The following TRIO variants were observed in gnomAD, a reference collection of about 807,000 sequenced individuals.
TRIO encodes trio Rho guanine nucleotide exchange factor, also known as triple functional domain protein.
In TRIO, 58 loss-of-function variants were observed where a neutral mutation model predicts 351.9. That is an observed-to-expected ratio of 0.16 (90% CI 0.13 to 0.21). The LOEUF (loss-of-function observed/expected upper bound fraction) is 0.21, where lower values mean the gene tolerates loss of function less well. Among genes scored for constraint, TRIO ranks in the 10% least tolerant of loss-of-function variants. The probability of loss-of-function intolerance (pLI) is 1.00; values close to 1 mark genes in which losing one functional copy is unlikely to be tolerated. For synonymous variants in TRIO, 1,758 were observed against 1,595.7 expected (o/e 1.10, Z -2.42); for missense variants, 3,201 against 4,027.8 (o/e 0.79, Z 5.56).
chr5:14,406,284 G>A (rs963663151), intron 32 of TRIO: 12 of 560,978 alleles, frequency 2.1e-5, no homozygotes, highest in African/African-American at 3.8e-5. Context: ...CCTTGGATAA[G>A]TTATAAAGCA....
Position 14,401,037 on chromosome 5 carries a change from A to G in TRIO, c.4689A>G (p.Pro1563=). The G allele has an allele frequency of 6.2e-7, 1 of 1,614,098 alleles. No individual in the cohort carries two copies. Among genetic ancestry groups the G allele is most frequent in the South Asian group, 1.1e-5 (1 of 91,058 alleles). Reference sequence around the variant, plus strand: ...TTGCACTGTGGGTGGGGAGAACACCAACTTCAGATAATAAAATTGTCCTTA... The same window carrying G: ...TTGCACTGTGGGTGGGGAGAACACCGACTTCAGATAATAAAATTGTCCTTA... ...CKFALWVGRT[P]TSDNKIVLKA... is the part of the protein sequence containing the mutation. Residue 1563 remains proline, a synonymous_variant, in exon 31 of 57, where the codon CCA becomes CCG. Transcript: ENST00000344204.
intron 34 of TRIO, among the ~76,000 whole-genome samples, chr5:14,432,919 C>T (rs1313304375): frequency 6.6e-6 from 1 of 152,184 alleles, no homozygotes; most frequent in East Asian, 1.9e-4. Flanking sequence ...AGCCCTATAT[C>T]TCTCATTCTC....
chr5:14,479,736 C>G (rs1440033691), intron 42 of TRIO, among the ~76,000 whole-genome samples, 183 bp from the exon 43 acceptor site: 1 of 152,104 alleles, frequency 6.6e-6, no homozygotes, highest in African/African-American at 2.4e-5. Flanking sequence ...CTTTGAAAAA[C>G]AACTCAGGTG....
chr5:14,354,718 G>A (rs154159), intron 11 of TRIO, among the ~76,000 whole-genome samples: 103,896 of 152,156 alleles, frequency 0.68, 37,823 homozygotes, highest in Non-Finnish European at 0.8. Context: ...CGTTGGTAGC[G>A]TCTTGGCAGT....
intron 7 of TRIO, among the ~76,000 whole-genome samples, chr5:14,299,303 C>T (rs1384391548): frequency 6.6e-6 from 1 of 152,020 alleles, no homozygotes; most frequent in Non-Finnish European, 1.5e-5. Flanking sequence ...TTCATGGGAC[C>T]CTGCATGAAC....
intron 18 of TRIO, among the ~76,000 whole-genome samples, 188 bp downstream of exon 18, chr5:14,369,711 C>T (rs1355230146): frequency 2.0e-5 from 3 of 152,160 alleles, no homozygotes; most frequent in East Asian, 3.8e-4. Flanking sequence ...TTTTCATGTG[C>T]GATTGCCTTG....
chr5:14,234,520 G>T (rs1246104178), intron 1 of TRIO, among the ~76,000 whole-genome samples: 2 of 152,168 alleles, frequency 1.3e-5, no homozygotes, highest in Admixed American at 1.3e-4. Context: ...CCTGTGTGAG[G>T]GAAGGTTTAC....
intron 1 of TRIO, among the ~76,000 whole-genome samples, chr5:14,222,455 A>G (rs1170011044): frequency 6.6e-6 from 1 of 152,170 alleles, no homozygotes; most frequent in East Asian, 1.9e-4. Flanking sequence ...TCGCAACCTC[A>G]TTTTGTATTG....
intron 55 of TRIO, 135 bp downstream of exon 55, chr5:14,504,728 G>A: frequency 1.8e-6 from 2 of 1,098,824 alleles, no homozygotes; most frequent in Non-Finnish European, 2.6e-6. Flanking sequence ...CATCTTCACT[G>A]TCAGAGCCCG....
At chr5:14,390,104 C>G (rs563392565) in intron 25 of TRIO, 127 bp from the exon 26 acceptor site, 3 of 766,582 alleles carry the variant, frequency 3.9e-6, no homozygotes, top group East Asian at 5.4e-5. Flanking sequence ...CAATAACTTA[C>G]CCTAGTTAAG....
At chr5:14,432,663 A>G (rs1183067018) in intron 34 of TRIO, among the ~76,000 whole-genome samples, 1 of 152,192 alleles carries the variant, frequency 6.6e-6, no homozygotes, top group Non-Finnish European at 1.5e-5. Context: ...CTAGTTGATT[A>G]CAGAACTTTA....
intron 1 of TRIO, among the ~76,000 whole-genome samples, chr5:14,191,234 A>G (rs768983629): frequency 1.3e-5 from 2 of 152,222 alleles, no homozygotes; most frequent in Non-Finnish European, 2.9e-5. Context: ...GTACGTATAT[A>G]TAAATGTGTA....
intron 9 of TRIO, among the ~76,000 whole-genome samples, chr5:14,324,282 G>A (rs1420935568): frequency 1.3e-5 from 2 of 152,176 alleles, no homozygotes; most frequent in African/African-American, 2.4e-5. Flanking sequence ...TTTGTTTCAT[G>A]TATTCTTTAA....
chr5:14,418,060 A>G (rs999500970), intron 33 of TRIO, among the ~76,000 whole-genome samples: 9 of 152,158 alleles, frequency 5.9e-5, no homozygotes, highest in African/African-American at 1.9e-4. Context: ...AGACACACAC[A>G]CGTGTAACTC....
intron 1 of TRIO, among the ~76,000 whole-genome samples, chr5:14,235,578 T>C (rs1793714001): frequency 6.6e-6 from 1 of 152,164 alleles, no homozygotes; most frequent in Non-Finnish European, 1.5e-5. Flanking sequence ...AAAATGTTTG[T>C]TGTTACAGTT....
chr5:14,339,552 G>C (rs554834267), intron 11 of TRIO, among the ~76,000 whole-genome samples: 1 of 152,176 alleles, frequency 6.6e-6, no homozygotes, highest in Non-Finnish European at 1.5e-5. Flanking sequence ...TAGTAGCAGA[G>C]AAACTGGCAT....
chr5:14,437,523 A>G (rs1055515612), intron 34 of TRIO, among the ~76,000 whole-genome samples: 1 of 152,150 alleles, frequency 6.6e-6, no homozygotes, highest in Non-Finnish European at 1.5e-5. Context: ...AACAACAGAA[A>G]TTTATTTTCT....
At chr5:14,501,901 C>CCA (rs1757320676) in intron 53 of TRIO, among the ~76,000 whole-genome samples, 1 of 152,198 alleles carries the variant, frequency 6.6e-6, no homozygotes, top group Non-Finnish European at 1.5e-5. Context: ...GGCAGCAGGA[C>CCA]CACGTGGGGC....
At chr5:14,242,926 TC>T (rs1002684387) in intron 1 of TRIO, among the ~76,000 whole-genome samples, 1 of 152,132 alleles carries the variant, frequency 6.6e-6, no homozygotes, top group Non-Finnish European at 1.5e-5. Flanking sequence ...CCCTCTCTAC[TC>T]CGGAAGGTAA....
Sources: gnomAD v4.1 joint callset for allele counts (sites outside exome capture counted in the v4.1 genomes callset) on GRCh38, gnomAD v4.1.1 for gene constraint, MANE v1.5 for transcripts, NCBI Gene and HGNC (gene_info 2026-07-23, HGNC 2026-07-21) for gene names.